MYLK: variants seen among roughly 807,000 people sequenced by gnomAD.
MYLK encodes myosin light chain kinase, smooth muscle.
Under a neutral mutation model 203.4 loss-of-function variants are expected in MYLK, and 106 were observed. The ratio of observed to expected loss-of-function variants is 0.52; its 90% CI spans 0.45 to 0.61. MYLK has a LOEUF of 0.61. Ranked by LOEUF, MYLK falls within the 20% of genes least tolerant of loss-of-function variation. MYLK has a pLI of 0.00. For synonymous variants in MYLK, 867 were observed against 959.5 expected (o/e 0.90, Z 1.78); for missense variants, 2,072 against 2,442.3 (o/e 0.85, Z 3.20).
rs1199429329 is a variant in MYLK, at chr3:123,700,557, C to A, written c.2911G>T (p.Val971Leu). 6.2e-7 allele frequency: 1 copy of A among 1,613,678 alleles called. No individual in the cohort carries two copies. Among genetic ancestry groups the A allele is most frequent in the East Asian group, 2.2e-5 (1 of 44,834 alleles). The stretch of plus-strand genomic sequence containing the variant: ...GGGGTGGCAGGTTTTGGCGGTGGCA[C>A]CTTCTCAGGCACGGGGGTCTTGGAA... ...GTSKTPVPEK[V>L]PPPKPATPDF... is the part of the protein sequence containing the mutation. The change falls in exon 18 of 34, where the codon GTG becomes TTG. Residue 971 changes from valine (V) to leucine (L), a missense_variant. By Grantham distance (32) the Val-to-Leu change is conservative. Coordinates refer to ENST00000360304, the MANE Select transcript of MYLK (RefSeq NM_053025.4).
rs866200218 is a variant in MYLK at position 123,618,893 on chromosome 3, C to T, written c.5369-123G>A. The T allele has an allele frequency of 7.6e-6, 10 of 1,319,346 alleles. No individual in the cohort carries two copies. In the South Asian group the frequency reaches 8.6e-5, roughly 11 times the overall value. The allele number at this position is 1,319,346 out of a possible 1,614,324, so 81.7% of individuals were successfully genotyped here. A position where few individuals can be genotyped will look rare whatever the true frequency, so the allele number is the denominator to read the frequency against. On this transcript the variant is annotated intron_variant, in intron 32 of 33. Coordinates refer to ENST00000360304, the MANE Select transcript of MYLK (RefSeq NM_053025.4). Reference sequence around the variant, plus strand: ...TTAGCAAAGAAGGCAGCTTTGAGAACTGAATCATAAGCACGCCTTTCTCCT... The same window carrying T: ...TTAGCAAAGAAGGCAGCTTTGAGAATTGAATCATAAGCACGCCTTTCTCCT...
Position 123,722,240 on chromosome 3 carries a change from G to T in MYLK, c.1692C>A (p.Gly564=). 1 of 1,566,172 alleles carries T rather than the reference G, an allele frequency of 6.4e-7. No homozygotes were observed. Among genetic ancestry groups the T allele is most frequent in the South Asian group, 1.2e-5 (1 of 84,856 alleles). Residue 564 remains glycine, a synonymous_variant, in exon 13 of 34, where the codon GGC becomes GGA. Transcript: ENST00000360304. ...CATCCTGGATGTGGAGCTCAGCCAC[G>T]CCGGCCTCGCAGGTGGAGCGAGCGT... ...IQYARSTCEA[G]VAELHIQDAL...
At chr3:123,717,381 A>T (rs1280625786) in intron 13 of MYLK, among the ~76,000 whole-genome samples, 1 of 152,216 alleles carries the variant, frequency 6.6e-6, no homozygotes, top group African/African-American at 2.4e-5. Flanking sequence ...TACTCTAATA[A>T]ATATGCTTGT....
rs543623454 is a variant in MYLK, at chr3:123,854,158, T to A, written c.-127+22401A>T. On this transcript the variant is annotated intron_variant, in intron 2 of 33. Coordinates refer to ENST00000360304, the MANE Select transcript of MYLK (RefSeq NM_053025.4). The stretch of plus-strand genomic sequence containing the variant: ...TAGTCGCCGGCTGACCATAGAGGCA[T>A]GATAGAGTCCAATCAAGATCTGCTG... Among the ~76,000 whole-genome samples, 3 of 148,690 alleles carry A rather than the reference T, an allele frequency of 2.0e-5. No homozygotes were observed. The South Asian group carries it at 6.5e-4, about 32-fold the overall frequency.
chr3:123,875,320 T>C (rs189398043), intron 2 of MYLK, among the ~76,000 whole-genome samples: 10 of 152,272 alleles, frequency 6.6e-5, no homozygotes, highest in African/African-American at 2.4e-4. Flanking sequence ...CCCACCACCA[T>C]GGATGAATCT....
In MYLK at chr3:123,733,775, G is replaced by A; in HGVS notation, c.1221C>T (p.Gly407=). 1.9e-6 allele frequency: 3 copies of A among 1,614,190 alleles called. No individual in the cohort carries two copies. The highest frequency in any genetic ancestry group is 1.1e-5 in the South Asian group (1 of 91,084). The change falls in exon 10 of 34, where the codon GGC becomes GGT. Residue 407 remains glycine, a synonymous_variant. Transcript: ENST00000360304. ...KAANRRIPME[G]QRDSAFPKFE... Reference sequence around the variant, plus strand: ...ATTTGGGGAATGCTGAATCCCTCTGGCCCTCCATGGGGATTCTCCTGTTAG... The same window carrying A: ...ATTTGGGGAATGCTGAATCCCTCTGACCCTCCATGGGGATTCTCCTGTTAG...
At chr3:123,824,856 G>A (rs113064532) in intron 3 of MYLK, among the ~76,000 whole-genome samples, 30 of 152,052 alleles carry the variant, frequency 2.0e-4, no homozygotes, top group African/African-American at 6.7e-4. Flanking sequence ...TTAAAAACAC[G>A]GAATTCATAA....
chr3:123,731,166 C>T (rs1202930045), intron 11 of MYLK, among the ~76,000 whole-genome samples: 2 of 152,150 alleles, frequency 1.3e-5, no homozygotes, highest in African/African-American at 4.8e-5. Context: ...TCTCCTAGAC[C>T]TGTGAACTCT....
chr3:123,638,511 G>A (rs1235569489), intron 28 of MYLK, among the ~76,000 whole-genome samples: 1 of 152,180 alleles, frequency 6.6e-6, no homozygotes, highest in Non-Finnish European at 1.5e-5. Flanking sequence ...GGCAGGGACT[G>A]TGACTTATGC....
chr3:123,812,738 T>C (rs890543011), intron 3 of MYLK, among the ~76,000 whole-genome samples: 1 of 152,178 alleles, frequency 6.6e-6, no homozygotes, highest in Non-Finnish European at 1.5e-5. Context: ...ACACATCCAG[T>C]CAGCTGTGCC....
chr3:123,863,737 G>T (rs902816356), intron 2 of MYLK, among the ~76,000 whole-genome samples: 3 of 152,112 alleles, frequency 2.0e-5, no homozygotes, highest in Non-Finnish European at 4.4e-5. Context: ...GAAGCAACTA[G>T]ATTCTGATAC....
chr3:123,618,591 T>C (rs1576310211), intron 33 of MYLK, 48 bp downstream of exon 33: 1 of 1,612,026 alleles, frequency 6.2e-7, no homozygotes, highest in Non-Finnish European at 8.5e-7. Flanking sequence ...GACTCTACCA[T>C]CCAGCCACAC....
At chr3:123,709,599 A>G in intron 14 of MYLK, 157 bp downstream of exon 14, 1 of 912,368 alleles carries the variant, frequency 1.1e-6, no homozygotes, top group African/African-American at 1.6e-5. Flanking sequence ...GGCAGAAAAG[A>G]GAGGACAAGA....
At chr3:123,804,011 G>C (rs141909244) in intron 3 of MYLK, among the ~76,000 whole-genome samples, 3,487 of 152,346 alleles carry the variant, frequency 0.023, 51 homozygotes, top group Non-Finnish European at 0.036. Flanking sequence ...AGCACTTACT[G>C]TCAGGCATTA....
chr3:123,831,149 C>T (rs1271540118), intron 3 of MYLK, among the ~76,000 whole-genome samples: 1 of 152,142 alleles, frequency 6.6e-6, no homozygotes, highest in Admixed American at 6.5e-5. Context: ...AAATCAAAAC[C>T]AGAGTTAGTC....
chr3:123,867,055 T>G (rs1247133304), intron 2 of MYLK, among the ~76,000 whole-genome samples: 2 of 152,072 alleles, frequency 1.3e-5, no homozygotes, highest in East Asian at 1.9e-4. Context: ...CTAATACTTA[T>G]CAGTGACTAG....
At chr3:123,726,169 T>G in intron 11 of MYLK, 91 bp from the exon 12 acceptor site, 1 of 1,542,610 alleles carries the variant, frequency 6.5e-7, no homozygotes, top group Non-Finnish European at 8.9e-7. Flanking sequence ...CACGCCTCAC[T>G]GTCCTGGACA....
chr3:123,882,312 G>T (rs990400251), intron 1 of MYLK, among the ~76,000 whole-genome samples: 1 of 152,198 alleles, frequency 6.6e-6, no homozygotes, highest in Non-Finnish European at 1.5e-5. Flanking sequence ...CTACTCAGGA[G>T]GCTGAGGTGG....
rs1327716030 is a variant in MYLK, at chr3:123,642,879, C to G, written c.4620-2375G>C. ...TCTATGTAAAGAATCACTTGGGGCTCTTATTAAAAATACAAATTCCCAAGC... is the reference window on the plus strand; with the variant it reads ...TCTATGTAAAGAATCACTTGGGGCTGTTATTAAAAATACAAATTCCCAAGC... On this transcript the variant is annotated intron_variant, in intron 27 of 33. Coordinates refer to ENST00000360304, the MANE Select transcript of MYLK (RefSeq NM_053025.4). The surrounding 1 kb of genome is among the most constrained non-coding windows in gnomAD (Gnocchi z 4.2). 6.6e-6 allele frequency among the ~76,000 whole-genome samples: 1 copy of G among 152,202 alleles called. No individual in the cohort carries two copies. The highest frequency in any genetic ancestry group is 1.5e-5 in the Non-Finnish European group (1 of 68,036).
Sources: gnomAD v4.1 joint callset for allele counts (sites outside exome capture counted in the v4.1 genomes callset) on GRCh38, gnomAD v4.1.1 for gene constraint, Gnocchi (gnomAD v3.1) non-coding constraint, MANE v1.5 for transcripts, NCBI Gene and HGNC (gene_info 2026-07-23, HGNC 2026-07-21) for gene names.